Variants in NXN observed in about 807,000 individuals in gnomAD.
NXN encodes nucleoredoxin, also known as nucleoredoxin 1.
Under a neutral mutation model 48.6 loss-of-function variants are expected in NXN, and 16 were observed. That is an observed-to-expected ratio of 0.33 (90% CI 0.22 to 0.50). NXN has a LOEUF of 0.50. Among genes scored for constraint, NXN ranks in the 20% least tolerant of loss-of-function variants. The pLI, the probability that NXN is intolerant of heterozygous loss-of-function variation, is 0.98. For synonymous variants in NXN, 281 were observed against 269.6 expected (o/e 1.04, Z -0.41); for missense variants, 492 against 605.5 (o/e 0.81, Z 1.97).
chr17:862,730 T>A (rs2068053419), intron 1 of NXN, among the ~76,000 whole-genome samples: 1 of 152,206 alleles, frequency 6.6e-6, no homozygotes, highest in African/African-American at 2.4e-5. Flanking sequence ...AACCTCAGCA[T>A]CATCAATAAC....
At chr17:875,360 A>T (rs1057362605) in intron 1 of NXN, among the ~76,000 whole-genome samples, 1 of 152,008 alleles carries the variant, frequency 6.6e-6, no homozygotes, top group Non-Finnish European at 1.5e-5. Flanking sequence ...TCCTCACAAC[A>T]GAATCTTCTA....
intron 1 of NXN, among the ~76,000 whole-genome samples, chr17:871,156 C>T (rs564486538): frequency 2.1e-4 from 32 of 152,114 alleles, no homozygotes; most frequent in Non-Finnish European, 3.2e-4. Context: ...CCACCGTGCC[C>T]GGCTATGCTT....
At chr17:846,394 C>G (rs537293404) in intron 1 of NXN, among the ~76,000 whole-genome samples, 3 of 124,566 alleles carry the variant, frequency 2.4e-5, no homozygotes, top group Non-Finnish European at 4.7e-5. Context: ...TCCAGCCTGG[C>G]GACAGAGAGA....
intron 1 of NXN, among the ~76,000 whole-genome samples, chr17:922,983 G>A (rs953971129): frequency 2.0e-5 from 3 of 151,984 alleles, no homozygotes; most frequent in Admixed American, 2.0e-4. Flanking sequence ...GCCGTGTGTG[G>A]CTCCCAGGGC....
At chr17:876,691 C>CG (rs2068219675) in intron 1 of NXN, among the ~76,000 whole-genome samples, 1 of 152,160 alleles carries the variant, frequency 6.6e-6, no homozygotes, top group Non-Finnish European at 1.5e-5. Context: ...CTCATTTATA[C>CG]GGGAAACTCC....
chr17:892,176 C>G (rs1454220227), intron 1 of NXN, among the ~76,000 whole-genome samples: 1 of 150,462 alleles, frequency 6.6e-6, no homozygotes, highest in East Asian at 2.0e-4. Context: ...GCTAACCCCA[C>G]CATGTACAGC....
At chr17:832,367 T>TA (rs397806092) in intron 1 of NXN, among the ~76,000 whole-genome samples, 1 of 151,016 alleles carries the variant, frequency 6.6e-6, no homozygotes, top group African/African-American at 2.4e-5. Flanking sequence ...TTTTTTTTTT[T>TA]AGTAGAGACG....
intron 4 of NXN, among the ~76,000 whole-genome samples, chr17:822,150 G>A (rs1249741463): frequency 6.6e-6 from 1 of 151,836 alleles, no homozygotes; most frequent in Non-Finnish European, 1.5e-5. Flanking sequence ...ATGGTGGCGG[G>A]CACCTGTAAT....
chr17:972,816 G>A (rs577101381), intron 1 of NXN, among the ~76,000 whole-genome samples: 1 of 152,342 alleles, frequency 6.6e-6, no homozygotes, highest in South Asian at 2.1e-4. Flanking sequence ...TGGATCACGA[G>A]GTCAGGAGAT....
intron 1 of NXN, chr17:911,016 T>G (rs1468349577): frequency 6.6e-6 from 1 of 152,214 alleles, no homozygotes; most frequent in Non-Finnish European, 1.5e-5. Context: ...GTATTTTTTT[T>G]GCTGATTAAC....
intron 1 of NXN, among the ~76,000 whole-genome samples, chr17:898,223 C>T (rs2068507724): frequency 6.6e-6 from 1 of 152,142 alleles, no homozygotes; most frequent in South Asian, 2.1e-4. Flanking sequence ...TGTCCAGCAG[C>T]ACTCCTGGTC....
intron 1 of NXN, among the ~76,000 whole-genome samples, chr17:904,160 C>G (rs766944617): frequency 6.6e-6 from 1 of 152,230 alleles, no homozygotes; most frequent in Admixed American, 6.5e-5. Flanking sequence ...TGCCTCACCG[C>G]GTCGACTGCC....
intron 1 of NXN, among the ~76,000 whole-genome samples, chr17:827,770 T>G (rs953866409): frequency 6.6e-6 from 1 of 152,220 alleles, no homozygotes; most frequent in Non-Finnish European, 1.5e-5. Flanking sequence ...GCAGGAAGGC[T>G]ACGCCCTTGG....
chr17:909,380 C>T (rs2068612622), intron 1 of NXN, among the ~76,000 whole-genome samples: 1 of 151,906 alleles, frequency 6.6e-6, no homozygotes, highest in African/African-American at 2.4e-5. Context: ...AATAGCGTTC[C>T]CTTAGAATAA....
At chr17:892,902 ACCAGCCC>A (rs2068438484) in intron 1 of NXN, among the ~76,000 whole-genome samples, 1 of 152,222 alleles carries the variant, frequency 6.6e-6, no homozygotes, top group Admixed American at 6.5e-5. Context: ...ATGTACCCAT[ACCAGCCC>A]CTCAGTTGTA....
At chr17:925,383 G>A (rs930043043) in intron 1 of NXN, among the ~76,000 whole-genome samples, 1 of 152,118 alleles carries the variant, frequency 6.6e-6, no homozygotes, top group African/African-American at 2.4e-5. Context: ...AGAGGCTTCT[G>A]GCTTTTTCCT....
chr17:857,841 G>T (rs886826169), intron 1 of NXN, among the ~76,000 whole-genome samples: 2 of 152,114 alleles, frequency 1.3e-5, no homozygotes, highest in African/African-American at 4.8e-5. Context: ...AGAGTGAGAA[G>T]GTTATTCCTT....
At chr17:801,862 A>T (rs1911232548) in intron 7 of NXN, among the ~76,000 whole-genome samples, 2 of 152,246 alleles carry the variant, frequency 1.3e-5, no homozygotes, top group African/African-American at 4.8e-5. Flanking sequence ...TTAAACAGAG[A>T]CAGCTCGCTG....
chr17:806,274 C>CAA (rs1392366536), intron 5 of NXN, among the ~76,000 whole-genome samples: 2 of 110,434 alleles, frequency 1.8e-5, no homozygotes, highest in South Asian at 3.4e-4. Flanking sequence ...CACCCCAGCT[C>CAA]CCCCCTTCCC....
Sources: allele counts gnomAD v4.1 joint callset (sites outside exome capture counted in the v4.1 genomes callset), GRCh38; gene constraint gnomAD v4.1.1; transcripts MANE v1.5; gene names NCBI Gene and HGNC (gene_info 2026-07-23, HGNC 2026-07-21).